The following ATF7IP2 variants were observed in gnomAD, a reference collection of about 807,000 sequenced individuals.
The protein encoded by ATF7IP2 is activating transcription factor 7 interacting protein 2.
ATF7IP2 carries 42 observed loss-of-function variants against 64.2 expected under a neutral mutation model. The observed-to-expected ratio is 0.65, with a 90% CI of 0.51 to 0.85. The LOEUF is 0.85. Ranked by LOEUF, ATF7IP2 falls within the 40% of genes least tolerant of loss-of-function variation. The pLI, the probability that ATF7IP2 is intolerant of heterozygous loss-of-function variation, is 0.00. For missense variants in ATF7IP2, 933 were observed against 784.2 expected (o/e 1.19, Z -2.27); for synonymous variants, 308 against 272.8 (o/e 1.13, Z -1.27).
intron 1 of ATF7IP2, among the ~76,000 whole-genome samples, chr16:10,406,604 G>A (rs946114496): frequency 3.9e-5 from 6 of 152,154 alleles, no homozygotes; most frequent in East Asian, 1.9e-4. Context: ...TCAGAAATTC[G>A]AAGCATCCTT....
chr16:10,472,045 A>T (rs989189539), intron 9 of ATF7IP2, 65 bp from the exon 10 acceptor site: 3 of 775,776 alleles, frequency 3.9e-6, no homozygotes, highest in Admixed American at 4.7e-5. Context: ...CTAACCACTA[A>T]TTGCATGTTT....
chr16:10,470,635 G>A (rs566762205), intron 9 of ATF7IP2, among the ~76,000 whole-genome samples: 1 of 151,870 alleles, frequency 6.6e-6, no homozygotes, highest in East Asian at 1.9e-4. Flanking sequence ...TTTTTAAAAA[G>A]TTAGCCAGGC....
intron 1 of ATF7IP2, among the ~76,000 whole-genome samples, chr16:10,407,418 T>C (rs1220091261): frequency 6.6e-6 from 1 of 152,120 alleles, no homozygotes; most frequent in Non-Finnish European, 1.5e-5. Flanking sequence ...GGCATGCAAA[T>C]TGGGAAGGAA....
chr16:10,403,698 T>A (rs1016229369), intron 1 of ATF7IP2, among the ~76,000 whole-genome samples: 1 of 152,090 alleles, frequency 6.6e-6, no homozygotes, highest in African/African-American at 2.4e-5. Context: ...TGAAAACCCA[T>A]ACAAAGAAGT....
chr16:10,454,920 C>T (rs1444590156), intron 8 of ATF7IP2, among the ~76,000 whole-genome samples: 1 of 152,112 alleles, frequency 6.6e-6, no homozygotes, highest in Non-Finnish European at 1.5e-5. Flanking sequence ...TTCATTTGGT[C>T]AGAGAACATA....
chr16:10,476,418 C>T (rs1379240601), intron 12 of ATF7IP2, among the ~76,000 whole-genome samples: 8 of 152,100 alleles, frequency 5.3e-5, no homozygotes, highest in Non-Finnish European at 1.5e-5. Context: ...TTTTTAGCTA[C>T]CCAACTTTCA....
intron 2 of ATF7IP2, among the ~76,000 whole-genome samples, chr16:10,416,845 A>C (rs2047889632): frequency 6.6e-6 from 1 of 152,238 alleles, no homozygotes; most frequent in South Asian, 2.1e-4. Context: ...CTAGTATTTA[A>C]TTGCACAACT....
chr16:10,401,827 T>C (rs978222409), intron 1 of ATF7IP2, among the ~76,000 whole-genome samples: 1 of 151,878 alleles, frequency 6.6e-6, no homozygotes, highest in Non-Finnish European at 1.5e-5. Context: ...TTCTTCTTGG[T>C]TAAGGCTTAG....
chr16:10,448,493 TG>T (rs1174329266), intron 8 of ATF7IP2: 3 of 152,160 alleles, frequency 2.0e-5, no homozygotes, highest in Non-Finnish European at 4.4e-5. Context: ...TCACATCCCT[TG>T]TAAGTTGGAT....
Position 10,412,010 on chromosome 16 carries a change from G to GTTTTTTTTTTTTTTTTTTTTTTTTT in ATF7IP2, c.-241-2559_-241-2535dup, listed in dbSNP as rs71133351. On this transcript the variant is annotated intron_variant, in intron 1 of 13. Coordinates refer to ENST00000562102, the MANE Select transcript of ATF7IP2 (RefSeq NM_001393719.1). ...CTTTTTGTTTCATTTATCTTTTTTT[G>GTTTTTTTTTTTTTTTTTTTTTTTTT]TTTTTTTTTTTTTTTTTTTTTTTTT... Among the ~76,000 whole-genome samples the GTTTTTTTTTTTTTTTTTTTTTTTTT allele has an allele frequency of 1.5e-3, 90 of 58,396 alleles. 6 individuals carry two copies. Among genetic ancestry groups the GTTTTTTTTTTTTTTTTTTTTTTTTT allele is most frequent in the Non-Finnish European group, 2.4e-3 (72 of 30,158 alleles). The allele number at this position is 58,396 out of a possible 152,430, so 38.3% of individuals were successfully genotyped here.
At chr16:10,461,536 A>T (rs1421537240) in intron 9 of ATF7IP2, among the ~76,000 whole-genome samples, 1 of 152,176 alleles carries the variant, frequency 6.6e-6, no homozygotes, top group Non-Finnish European at 1.5e-5. Flanking sequence ...AACTGCAGTC[A>T]CATGCAACAG....
At chr16:10,398,303 C>G (rs1258318145) in intron 1 of ATF7IP2, among the ~76,000 whole-genome samples, 1 of 134,180 alleles carries the variant, frequency 7.5e-6, no homozygotes, top group Non-Finnish European at 1.6e-5. Context: ...GACTCCATCT[C>G]AAAAAAAAAA....
intron 1 of ATF7IP2, among the ~76,000 whole-genome samples, chr16:10,396,828 A>AT (rs1555504238): frequency 0.21 from 31,180 of 148,166 alleles, 3,707 homozygotes; most frequent in African/African-American, 0.33. Context: ...TAAAAAAAAA[A>AT]TTTTTTTTTT....
At chr16:10,453,500 G>A (rs1246073644) in intron 8 of ATF7IP2, among the ~76,000 whole-genome samples, 2 of 152,196 alleles carry the variant, frequency 1.3e-5, no homozygotes, top group Non-Finnish European at 2.9e-5. Context: ...ATCTTACTGG[G>A]AGCTGCAGAC....
At chr16:10,411,717 G>A (rs545309988) in intron 1 of ATF7IP2, among the ~76,000 whole-genome samples, 3 of 152,048 alleles carry the variant, frequency 2.0e-5, no homozygotes, top group Admixed American at 2.0e-4. Flanking sequence ...GTATGTTATT[G>A]GTCTTTCAGG....
At chr16:10,479,271 A>C (rs1237408723) in intron 12 of ATF7IP2, among the ~76,000 whole-genome samples, 1 of 151,106 alleles carries the variant, frequency 6.6e-6, no homozygotes, top group Non-Finnish European at 1.5e-5. Flanking sequence ...ACAATGATAG[A>C]CTGGATTAAG....
At chr16:10,443,626 T>G (rs906394071) in intron 8 of ATF7IP2, among the ~76,000 whole-genome samples, 2 of 152,332 alleles carry the variant, frequency 1.3e-5, no homozygotes, top group Non-Finnish European at 1.5e-5. Context: ...AATAGCTACT[T>G]TAGTTTTGTC....
chr16:10,395,851 T>A (rs2047410297), intron 1 of ATF7IP2, among the ~76,000 whole-genome samples: 1 of 152,038 alleles, frequency 6.6e-6, no homozygotes, highest in East Asian at 1.9e-4. Context: ...TCCTGCTAAT[T>A]CAGGAACAAG....
At chr16:10,430,321 A>G (rs1394048954) in intron 4 of ATF7IP2, among the ~76,000 whole-genome samples, 1 of 152,204 alleles carries the variant, frequency 6.6e-6, no homozygotes, top group East Asian at 1.9e-4. Context: ...GTGAATGGTT[A>G]TAGCACTGAG....
Sources: gnomAD v4.1 joint callset for allele counts (sites outside exome capture counted in the v4.1 genomes callset) on GRCh38, gnomAD v4.1.1 for gene constraint, MANE v1.5 for transcripts, NCBI Gene and HGNC (gene_info 2026-07-23, HGNC 2026-07-21) for gene names.